Variants in PPFIA2 observed in about 807,000 individuals in gnomAD.
The protein encoded by PPFIA2 is PPFI scaffold protein A2, also known as liprin-alpha-2.
PPFIA2 carries 46 observed loss-of-function variants against 175.5 expected under a neutral mutation model. The ratio of observed to expected loss-of-function variants is 0.26; its 90% CI spans 0.21 to 0.34. The LOEUF (loss-of-function observed/expected upper bound fraction) is 0.34, where lower values mean the gene tolerates loss of function less well. PPFIA2 is among the 10% of genes least tolerant of loss of function. PPFIA2 has a pLI of 1.00. For synonymous variants in PPFIA2, 568 were observed against 511.4 expected (o/e 1.11, Z -1.49); for missense variants, 1,179 against 1,506.1 (o/e 0.78, Z 3.60).
At chr12:81,726,298 ATG>A (rs1485283369) in intron 3 of PPFIA2, among the ~76,000 whole-genome samples, 1 of 151,240 alleles carries the variant, frequency 6.6e-6, no homozygotes, top group Non-Finnish European at 1.5e-5. Context: ...CTATCAGCAT[ATG>A]TCCTTGAAAA....
At chr12:81,543,780 C>T (rs926853972) in intron 4 of PPFIA2, among the ~76,000 whole-genome samples, 3 of 152,132 alleles carry the variant, frequency 2.0e-5, no homozygotes, top group Non-Finnish European at 4.4e-5. Flanking sequence ...GTAATATTGA[C>T]AGTATGTACT....
chr12:81,381,736 T>C (rs1463995418), intron 9 of PPFIA2, among the ~76,000 whole-genome samples: 1 of 152,156 alleles, frequency 6.6e-6, no homozygotes, highest in Non-Finnish European at 1.5e-5. Context: ...CATAAAAAGT[T>C]GTATCATTAT....
At chr12:81,380,915 C>T (rs1404105059) in intron 9 of PPFIA2, among the ~76,000 whole-genome samples, 1 of 150,476 alleles carries the variant, frequency 6.6e-6, no homozygotes, top group African/African-American at 2.5e-5. Context: ...GGGCCTGGGT[C>T]TTGAGACCTG....
intron 4 of PPFIA2, among the ~76,000 whole-genome samples, chr12:81,654,297 A>G (rs974816210): frequency 7.2e-5 from 11 of 152,004 alleles, no homozygotes; most frequent in Admixed American, 3.9e-4. Context: ...AGGCTGAGAG[A>G]TAGTAAGTCC....
In PPFIA2 at chr12:81,294,005, G is replaced by A. The variant is rs994982266; in HGVS notation, c.2925+830C>T. 1.6e-4 allele frequency among the ~76,000 whole-genome samples: 23 copies of A among 147,494 alleles called. No homozygotes were observed. The East Asian group carries it at 4.7e-3, about 30-fold the overall frequency. On this transcript the variant is annotated intron_variant, in intron 24 of 32. Coordinates refer to ENST00000549396, the MANE Select transcript of PPFIA2 (RefSeq NM_003625.5). Reference sequence around the variant, plus strand: ...TTTTGTAGCAACATAAATGGAACTGGAGACCATTATCCCAAGTGAAATAAC... The same window carrying A: ...TTTTGTAGCAACATAAATGGAACTGAAGACCATTATCCCAAGTGAAATAAC...
At chr12:81,400,349 G>C (rs1053351581) in intron 8 of PPFIA2, among the ~76,000 whole-genome samples, 4 of 152,062 alleles carry the variant, frequency 2.6e-5, no homozygotes, top group African/African-American at 9.7e-5. Flanking sequence ...ATTGCTAAAA[G>C]TCCACAAAAC....
intron 3 of PPFIA2, among the ~76,000 whole-genome samples, chr12:81,704,994 G>A (rs2076935939): frequency 1.4e-5 from 2 of 141,906 alleles, no homozygotes; most frequent in South Asian, 4.7e-4. Context: ...GGAGGCAGGA[G>A]AGTCATTTGA....
intron 4 of PPFIA2, among the ~76,000 whole-genome samples, chr12:81,544,125 C>T (rs557915253): frequency 6.6e-6 from 1 of 152,112 alleles, no homozygotes; most frequent in African/African-American, 2.4e-5. Context: ...TGTACCATAC[C>T]AATGTAAGAT....
intron 8 of PPFIA2, among the ~76,000 whole-genome samples, chr12:81,397,109 T>A (rs914930128): frequency 2.0e-5 from 3 of 152,046 alleles, no homozygotes; most frequent in African/African-American, 7.2e-5. Context: ...AGTGGAGATG[T>A]TCGATTGTGG....
chr12:81,525,997 C>G (rs113692568), intron 4 of PPFIA2, among the ~76,000 whole-genome samples: 1 of 152,160 alleles, frequency 6.6e-6, no homozygotes, highest in Admixed American at 6.5e-5. Context: ...ATTAGAAAAT[C>G]AAAAACTCCT....
intron 7 of PPFIA2, among the ~76,000 whole-genome samples, chr12:81,416,730 T>C (rs1413239728): frequency 6.6e-6 from 1 of 151,718 alleles, no homozygotes. Context: ...GGTATCAAAA[T>C]CTGCTAACTT....
intron 4 of PPFIA2, among the ~76,000 whole-genome samples, chr12:81,616,808 AACATGAT>A (rs2061458496): frequency 6.6e-6 from 1 of 152,240 alleles, no homozygotes; most frequent in African/African-American, 2.4e-5. Flanking sequence ...CACATTCAGT[AACATGAT>A]TACAGTGCTT....
intron 18 of PPFIA2, 138 bp from the exon 19 acceptor site, chr12:81,344,831 A>C: frequency 1.6e-6 from 1 of 631,964 alleles, no homozygotes; most frequent in East Asian, 2.9e-5. Context: ...AAATAAACAT[A>C]TTTTAATTAC....
At chr12:81,296,717 A>C (rs2046521496) in intron 23 of PPFIA2, 1 of 152,240 alleles carries the variant, frequency 6.6e-6, no homozygotes, top group Non-Finnish European at 1.5e-5. Context: ...CAGTGCCAAG[A>C]GCTCTGGACC....
At chr12:81,299,504 G>A in intron 22 of PPFIA2, 122 bp from the exon 23 acceptor site, 1 of 1,269,262 alleles carries the variant, frequency 7.9e-7, no homozygotes, top group Non-Finnish European at 1.0e-6. Context: ...ATACAATATA[G>A]AATAACAGAA....
intron 7 of PPFIA2, among the ~76,000 whole-genome samples, chr12:81,406,521 T>C (rs2042962537): frequency 6.6e-6 from 1 of 152,150 alleles, no homozygotes; most frequent in African/African-American, 2.4e-5. Context: ...GCAGTTATTC[T>C]TGCAAACTTT....
intron 4 of PPFIA2, among the ~76,000 whole-genome samples, chr12:81,488,583 C>T (rs916858724): frequency 2.0e-5 from 3 of 151,810 alleles, no homozygotes; most frequent in African/African-American, 7.2e-5. Context: ...ACTCTTAAGA[C>T]ACTGATTTTA....
chr12:81,486,566 G>C (rs941354707), intron 4 of PPFIA2, among the ~76,000 whole-genome samples: 4 of 151,626 alleles, frequency 2.6e-5, no homozygotes, highest in African/African-American at 9.7e-5. Flanking sequence ...CAGATTTTTA[G>C]TGATAGATCT....
rs74479953 is a variant in PPFIA2 at position 81,539,503 on chromosome 12, T to C, written c.304-81637A>G. 1.1e-4 allele frequency among the ~76,000 whole-genome samples: 17 copies of C among 152,008 alleles called. No homozygotes were observed. The East Asian group carries it at 3.3e-3, about 30-fold the overall frequency. On this transcript the variant is annotated intron_variant, in intron 4 of 32. Coordinates refer to ENST00000549396, the MANE Select transcript of PPFIA2 (RefSeq NM_003625.5). ...GTGGTTTTCCCACAATTAGCATCAA[T>C]AGCATCATAACAGACCTTGCTAGAA...
Sources: allele counts gnomAD v4.1 joint callset (sites outside exome capture counted in the v4.1 genomes callset), GRCh38; gene constraint gnomAD v4.1.1; transcripts MANE v1.5; gene names NCBI Gene and HGNC (gene_info 2026-07-23, HGNC 2026-07-21).